KAZN: variants seen among roughly 807,000 people sequenced by gnomAD.
The protein encoded by KAZN is kazrin.
KAZN carries 40 observed loss-of-function variants against 87.4 expected under a neutral mutation model. The ratio of observed to expected loss-of-function variants is 0.46; its 90% CI spans 0.36 to 0.60. KAZN has a LOEUF of 0.60. Ranked by LOEUF, KAZN falls within the 20% of genes least tolerant of loss-of-function variation. The pLI is 0.00. For synonymous variants in KAZN, 466 were observed against 458.3 expected (o/e 1.02, Z -0.22); for missense variants, 898 against 1,073.9 (o/e 0.84, Z 2.29).
At chr1:14,851,287 G>A (rs780095490) in intron 1 of KAZN, among the ~76,000 whole-genome samples, 22 of 152,178 alleles carry the variant, frequency 1.4e-4, no homozygotes, top group African/African-American at 2.4e-4. Flanking sequence ...CCAAGACGCC[G>A]GCTGATGGGA....
chr1:15,003,762 T>C lies in KAZN; in HGVS notation c.419-30987T>C, dbSNP rs191991704. Among the ~76,000 whole-genome samples the C allele has an allele frequency of 8.3e-4, 127 of 152,190 alleles. 1 individual carries two copies. Among genetic ancestry groups the C allele is most frequent in the African/African-American group, 2.9e-3 (120 of 41,530 alleles). On this transcript the variant is annotated intron_variant, in intron 2 of 14. Transcript: ENST00000376030. ...AGCTCAGGATCACCATGAAACCTCT[T>C]ACCCCCACTCCCTGCAGTTGGATAC...
At chr1:14,633,331 T>C (rs778162757) in intron 1 of KAZN, among the ~76,000 whole-genome samples, 1 of 152,188 alleles carries the variant, frequency 6.6e-6, no homozygotes, top group Admixed American at 6.5e-5. Context: ...GGACCCAATG[T>C]CATCACAAGA....
intron 1 of KAZN, among the ~76,000 whole-genome samples, chr1:14,153,269 C>T (rs1299444253): frequency 6.6e-6 from 1 of 152,122 alleles, no homozygotes; most frequent in Non-Finnish European, 1.5e-5. Context: ...GAAATTTTTG[C>T]CCAGATCAAT....
chr1:14,423,101 C>T (rs1665526403), intron 2 of KAZN, among the ~76,000 whole-genome samples: 1 of 152,232 alleles, frequency 6.6e-6, no homozygotes, highest in Non-Finnish European at 1.5e-5. Context: ...AAGGCCCTGT[C>T]TACTTAGCAC....
chr1:14,384,705 G>T, intron 2 of KAZN, among the ~76,000 whole-genome samples: 1 of 151,540 alleles, frequency 6.6e-6, no homozygotes, highest in African/African-American at 2.4e-5. Context: ...ATGTGCTGCT[G>T]GATTCGGTTT....
chr1:14,696,934 T>A (rs896359648), intron 1 of KAZN, among the ~76,000 whole-genome samples: 1 of 150,992 alleles, frequency 6.6e-6, no homozygotes, highest in Non-Finnish European at 1.5e-5. Context: ...CAGGCGGGGG[T>A]CCTTGAGTTC....
At position 14,773,345 on chromosome 1, in the gene KAZN, C is replaced by T. The variant is rs1645074960; in HGVS notation, c.226+174122C>T. Among the ~76,000 whole-genome samples, 1 of 152,174 alleles carries T rather than the reference C, an allele frequency of 6.6e-6. No individual in the cohort carries two copies. On this transcript the variant is annotated intron_variant, in intron 1 of 14. Coordinates refer to ENST00000376030, the MANE Select transcript of KAZN (RefSeq NM_201628.3). The surrounding 1 kb of genome is among the most constrained non-coding windows in gnomAD (Gnocchi z 5.9). ...CCCCCACCCAATCCACCTCCCACCT[C>T]ACCTGCCCACGATGCCATTGCTTCA...
At chr1:14,504,712 G>A (rs578149702) in intron 2 of KAZN, among the ~76,000 whole-genome samples, 4 of 152,150 alleles carry the variant, frequency 2.6e-5, no homozygotes, top group Non-Finnish European at 2.9e-5. Context: ...CTCTGTAATC[G>A]TCTAAATTCC....
chr1:14,253,136 A>C (rs1571148316), intron 2 of KAZN, among the ~76,000 whole-genome samples: 1 of 143,626 alleles, frequency 7.0e-6, no homozygotes, highest in South Asian at 2.5e-4. Context: ...AAAAAAAAAA[A>C]CGGCCCCACC....
intron 1 of KAZN, among the ~76,000 whole-genome samples, chr1:14,039,847 A>G (rs1641723336): frequency 6.6e-6 from 1 of 152,208 alleles, no homozygotes; most frequent in South Asian, 2.1e-4. Flanking sequence ...AGATTTTTCT[A>G]CATTGCCATG....
At chr1:15,103,940 C>A in intron 12 of KAZN, 83 bp from the exon 13 acceptor site, 1 of 1,380,512 alleles carries the variant, frequency 7.2e-7, no homozygotes, top group Non-Finnish European at 9.9e-7. Flanking sequence ...CTGTTGGGGA[C>A]AGAGCCCCAC....
intron 8 of KAZN, among the ~76,000 whole-genome samples, chr1:15,069,582 G>A (rs1186279514): frequency 4.6e-5 from 7 of 152,304 alleles, no homozygotes; most frequent in South Asian, 2.1e-4. Flanking sequence ...AGCCGAGATC[G>A]CGCCACTGCG....
chr1:14,649,732 G>A (rs565320488), intron 1 of KAZN, among the ~76,000 whole-genome samples: 90 of 152,264 alleles, frequency 5.9e-4, no homozygotes, highest in African/African-American at 2.0e-3. Context: ...AAAATGCAGC[G>A]TGAACTGTGA....
intron 1 of KAZN, among the ~76,000 whole-genome samples, chr1:14,024,889 T>A (rs1403455202): frequency 1.3e-5 from 2 of 152,022 alleles, no homozygotes; most frequent in Admixed American, 6.6e-5. Context: ...TCTAATAACA[T>A]CCCCAGCTGA....
At chr1:14,747,860 G>A (rs758592668) in intron 1 of KAZN, among the ~76,000 whole-genome samples, 17 of 152,124 alleles carry the variant, frequency 1.1e-4, no homozygotes, top group African/African-American at 2.4e-4. Flanking sequence ...CTACATCCCC[G>A]CCAACACCGG....
intron 1 of KAZN, among the ~76,000 whole-genome samples, chr1:14,641,197 G>A (rs557109080): frequency 1.3e-5 from 2 of 152,196 alleles, no homozygotes; most frequent in East Asian, 1.9e-4. Context: ...AGCAATATAG[G>A]GAGGTGGGAA....
chr1:14,880,970 C>T (rs944712857), intron 1 of KAZN, among the ~76,000 whole-genome samples: 1 of 152,188 alleles, frequency 6.6e-6, no homozygotes, highest in Non-Finnish European at 1.5e-5. Flanking sequence ...GGTGAATAGC[C>T]TCCAGTTAAC....
At chr1:14,471,600 C>A (rs958851846) in intron 2 of KAZN, among the ~76,000 whole-genome samples, 3 of 152,152 alleles carry the variant, frequency 2.0e-5, no homozygotes, top group African/African-American at 7.2e-5. Context: ...GTACCCAGAC[C>A]ACCATGTACC....
rs1455581708 is a variant in KAZN, at chr1:14,401,733, A to C, written c.250-197250A>C. 2.6e-5 allele frequency among the ~76,000 whole-genome samples: 4 copies of C among 152,296 alleles called. No homozygotes were observed. In the East Asian group the frequency reaches 5.8e-4, roughly 22 times the overall value. On this transcript the variant is annotated intron_variant, in intron 2 of 16. Coordinates refer to the KAZN transcript ENST00000636203. Reference sequence around the variant, plus strand: ...AATGTAAAAATAAATCTATCAATATAATTCATTTATTATAGGAAAAATAAT... The same window carrying C: ...AATGTAAAAATAAATCTATCAATATCATTCATTTATTATAGGAAAAATAAT...
Sources: allele counts gnomAD v4.1 joint callset (sites outside exome capture counted in the v4.1 genomes callset), GRCh38; gene constraint gnomAD v4.1.1; non-coding constraint Gnocchi (gnomAD v3.1); transcripts MANE v1.5; gene names NCBI Gene and HGNC (gene_info 2026-07-23, HGNC 2026-07-21).